TRPC1: variants seen among roughly 807,000 people sequenced by gnomAD.
TRPC1 encodes transient receptor potential cation channel subfamily C member 1.
Under a neutral mutation model 88.2 loss-of-function variants are expected in TRPC1, and 42 were observed. The observed-to-expected ratio is 0.48, with a 90% CI of 0.37 to 0.62. TRPC1 has a LOEUF of 0.62. Ranked by LOEUF, TRPC1 falls within the 20% of genes least tolerant of loss-of-function variation. The pLI is 0.00. For synonymous variants in TRPC1, 288 were observed against 331.8 expected (o/e 0.87, Z 1.43); for missense variants, 699 against 957.3 (o/e 0.73, Z 3.56).
At position 142,802,222 on chromosome 3, in the gene TRPC1, T is replaced by C. The variant is rs770017300; in HGVS notation, c.1635T>C (p.Leu545=). ...TTGGAAAATTTCTTGGGATGTTTCT[T>C]CTTGTTTTGTTTTCTTTCACAATTG... ...QDFGKFLGMF[L]LVLFSFTIGL... The change falls in exon 10 of 13, where the codon CTT becomes CTC. Residue 545 remains leucine, a synonymous_variant. Transcript: ENST00000476941. 6.9e-6 allele frequency: 11 copies of C among 1,596,586 alleles called. No homozygotes were observed. The East Asian group carries it at 2.5e-4, about 36-fold the overall frequency.
intron 3 of TRPC1, among the ~76,000 whole-genome samples, chr3:142,744,498 A>G (rs975539081): frequency 6.6e-6 from 1 of 152,176 alleles, no homozygotes; most frequent in Non-Finnish European, 1.5e-5. Flanking sequence ...ACATTCCAAA[A>G]TAGAAGATAG....
intron 2 of TRPC1, among the ~76,000 whole-genome samples, chr3:142,738,871 T>G (rs1289700785): frequency 6.6e-6 from 1 of 152,238 alleles, no homozygotes; most frequent in African/African-American, 2.4e-5. Flanking sequence ...ATAACTACTC[T>G]CTGCCAGGAA....
At chr3:142,803,549 C>A in intron 10 of TRPC1, among the ~76,000 whole-genome samples, 1 of 151,070 alleles carries the variant, frequency 6.6e-6, no homozygotes, top group Admixed American at 6.6e-5. Context: ...TAGATATTAG[C>A]AAATCATATA....
chr3:142,751,746 C>T (rs1393602237), intron 4 of TRPC1, among the ~76,000 whole-genome samples: 1 of 152,210 alleles, frequency 6.6e-6, no homozygotes, highest in Admixed American at 6.5e-5. Context: ...CATCCACCCT[C>T]ACTCTTTCCT....
At chr3:142,789,672 C>A (rs553965498) in intron 7 of TRPC1, among the ~76,000 whole-genome samples, 4 of 152,126 alleles carry the variant, frequency 2.6e-5, no homozygotes, top group Non-Finnish European at 1.5e-5. Flanking sequence ...CCGAAAATGA[C>A]TTAATGAAGG....
chr3:142,779,327 T>G (rs1935882880), intron 5 of TRPC1, among the ~76,000 whole-genome samples: 1 of 152,178 alleles, frequency 6.6e-6, no homozygotes, highest in Non-Finnish European at 1.5e-5. Context: ...GCTTCTGGTT[T>G]TCTATATTTC....
At chr3:142,788,807 T>G (rs1166824945) in intron 7 of TRPC1, among the ~76,000 whole-genome samples, 13 of 152,178 alleles carry the variant, frequency 8.5e-5, no homozygotes. Flanking sequence ...TTTGTATTGC[T>G]TGGATTAGTT....
chr3:142,765,070 T>C (rs981521741), intron 4 of TRPC1, among the ~76,000 whole-genome samples: 1 of 152,012 alleles, frequency 6.6e-6, no homozygotes, highest in East Asian at 1.9e-4. Flanking sequence ...CCATTTACAA[T>C]AGCTGCAAAA....
chr3:142,753,407 C>T (rs1934846927), intron 4 of TRPC1, among the ~76,000 whole-genome samples: 1 of 152,046 alleles, frequency 6.6e-6, no homozygotes, highest in African/African-American at 2.4e-5. Context: ...TGGCAAGGAC[C>T]CCTGACTTAA....
intron 1 of TRPC1, among the ~76,000 whole-genome samples, chr3:142,734,642 A>G (rs1934051815): frequency 6.6e-6 from 1 of 152,154 alleles, no homozygotes; most frequent in Admixed American, 6.5e-5. Flanking sequence ...AAGTCCTTAG[A>G]TTTAGAAAGC....
intron 2 of TRPC1, among the ~76,000 whole-genome samples, chr3:142,739,213 A>C (rs1311812959): frequency 6.6e-6 from 1 of 152,122 alleles, no homozygotes; most frequent in Non-Finnish European, 1.5e-5. Context: ...ACCTCAGGTG[A>C]TCCACCTGCC....
intron 3 of TRPC1, among the ~76,000 whole-genome samples, chr3:142,746,845 G>A (rs554109414): frequency 2.0e-5 from 3 of 151,086 alleles, no homozygotes; most frequent in African/African-American, 7.3e-5. Flanking sequence ...GCGAAAGAGC[G>A]AGACTCCACC....
chr3:142,763,669 C>T (rs2108078638), intron 4 of TRPC1, among the ~76,000 whole-genome samples: 1 of 152,012 alleles, frequency 6.6e-6, no homozygotes, highest in South Asian at 2.1e-4. Context: ...AGACCATTTA[C>T]ATTCAGTGTG....
At chr3:142,791,785 T>C (rs1010191221) in intron 8 of TRPC1, among the ~76,000 whole-genome samples, 3 of 152,148 alleles carry the variant, frequency 2.0e-5, no homozygotes, top group East Asian at 3.9e-4. Context: ...TTAAAAGTGA[T>C]GTAAATGTTA....
rs1206864898 is a variant in TRPC1, at chr3:142,804,545, C to A, written c.2069C>A (p.Thr690Asn). 6.2e-7 allele frequency: 1 copy of A among 1,613,522 alleles called. No homozygotes were observed. The highest frequency in any genetic ancestry group is 1.3e-5 in the African/African-American group (1 of 74,900). The part of the protein sequence containing the change: ...PPFNIIPSPK[T>N]ICYMISSLSK... Reference sequence around the variant, plus strand: ...TTCAACATCATTCCCTCACCAAAGACTATCTGCTATATGATTAGTAGCCTC... The same window carrying A: ...TTCAACATCATTCCCTCACCAAAGAATATCTGCTATATGATTAGTAGCCTC... Residue 690 changes from threonine (T) to asparagine (N), a missense_variant, in exon 12 of 13, where the codon ACT becomes AAT. Coordinates refer to ENST00000476941, the MANE Select transcript of TRPC1 (RefSeq NM_001251845.2).
chr3:142,759,174 C>A (rs1935090824), intron 4 of TRPC1, among the ~76,000 whole-genome samples: 3 of 152,108 alleles, frequency 2.0e-5, no homozygotes, highest in Admixed American at 2.0e-4. Flanking sequence ...GTTTTATAAT[C>A]CTTTGGGTAT....
At chr3:142,785,130 T>C (rs76057614) in intron 7 of TRPC1, 90 bp downstream of exon 7, 9 of 1,234,714 alleles carry the variant, frequency 7.3e-6, no homozygotes, top group Non-Finnish European at 8.8e-6. Context: ...TGGGTTCAAT[T>C]TGCAATTTTA....
chr3:142,724,570 C>T lies in TRPC1; in HGVS notation c.11C>T (p.Ala4Val). ...CCTTCATGGGCCGCGATGATGGCGG[C>T]CCTGTACCCGAGCACGGACCTCTCG... MMA[A>V]LYPSTDLSGA... The change falls in exon 1 of 13, where the codon GCC becomes GTC. Residue 4 changes from alanine to valine, a missense_variant. Ala to Val is a moderately conservative substitution (Grantham distance 64). Around this residue, in one of 4 missense-constraint regions of TRPC1, gnomAD observed 157 missense variants for 127.0 expected, o/e 1.24. Transcript: ENST00000476941. The surrounding 1 kb of genome is among the most constrained non-coding windows in gnomAD (Gnocchi z 5.6). 6.3e-7 allele frequency: 1 copy of T among 1,576,750 alleles called. No homozygotes were observed. The highest frequency in any genetic ancestry group is 8.6e-7 in the Non-Finnish European group (1 of 1,163,340).
At chr3:142,731,717 G>C (rs1289323687) in intron 1 of TRPC1, among the ~76,000 whole-genome samples, 1 of 152,216 alleles carries the variant, frequency 6.6e-6, no homozygotes, top group Non-Finnish European at 1.5e-5. Flanking sequence ...AACTCTAGCT[G>C]TGGAGTGCAG....
Sources: gnomAD v4.1 joint callset for allele counts (sites outside exome capture counted in the v4.1 genomes callset) on GRCh38, gnomAD v4.1.1 for gene constraint, gnomAD v4.1.1 regional missense constraint, Gnocchi (gnomAD v3.1) non-coding constraint, MANE v1.5 for transcripts, NCBI Gene and HGNC (gene_info 2026-07-23, HGNC 2026-07-21) for gene names.